CAMK1D: variants seen among roughly 807,000 people sequenced by gnomAD.
CAMK1D encodes calcium/calmodulin-dependent protein kinase type 1D.
In CAMK1D, 9 loss-of-function variants were observed where a neutral mutation model predicts 47.7. The observed-to-expected ratio is 0.19, with a 90% CI of 0.11 to 0.33. CAMK1D has a LOEUF of 0.33. Among genes scored for constraint, CAMK1D ranks in the 10% least tolerant of loss-of-function variants. The pLI is 1.00. For synonymous variants in CAMK1D, 184 were observed against 184.9 expected (o/e 0.99, Z 0.04); for missense variants, 291 against 488.7 (o/e 0.60, Z 3.81).
intron 1 of CAMK1D, among the ~76,000 whole-genome samples, chr10:12,436,674 C>T (rs1385939362): frequency 6.6e-6 from 1 of 152,164 alleles, no homozygotes; most frequent in Non-Finnish European, 1.5e-5. Context: ...GTCTCGGCAG[C>T]AAAGCCCCAT....
chr10:12,479,394 C>G (rs374240856), intron 1 of CAMK1D, among the ~76,000 whole-genome samples: 22 of 152,188 alleles, frequency 1.4e-4, no homozygotes, highest in African/African-American at 5.3e-4. Flanking sequence ...TGGGGTTTCA[C>G]CATGTTGGTC....
chr10:12,481,655 G>A lies in CAMK1D; in HGVS notation c.93-71570G>A, dbSNP rs545802439. ...CTCCTGAGCAGCCGCGATTACAGGC[G>A]TGTACCACCACGCCCGGCTAATTTT... On this transcript the variant is annotated intron_variant, in intron 1 of 10. Transcript: ENST00000619168. Among the ~76,000 whole-genome samples, 8 of 152,180 alleles carry A rather than the reference G, an allele frequency of 5.3e-5. No individual in the cohort carries two copies. The East Asian group carries it at 1.4e-3, about 26-fold the overall frequency.
Position 12,373,586 on chromosome 10 carries a change from C to T in CAMK1D, c.92+23676C>T, listed in dbSNP as rs184640928. 1.6e-4 allele frequency among the ~76,000 whole-genome samples: 25 copies of T among 151,902 alleles called. No homozygotes were observed. The East Asian group carries it at 1.8e-3, about 11-fold the overall frequency. On this transcript the variant is annotated intron_variant, in intron 1 of 10. Coordinates refer to ENST00000619168, the MANE Select transcript of CAMK1D (RefSeq NM_153498.4). The stretch of plus-strand genomic sequence containing the variant: ...GGTGGAGGTTGCAGTGAGCCGAGAT[C>T]GTGCCACTGTACTCCAGCCCGGGTG...
At chr10:12,782,875 C>T (rs973725996) in intron 5 of CAMK1D, among the ~76,000 whole-genome samples, 19 of 152,228 alleles carry the variant, frequency 1.2e-4, no homozygotes, top group African/African-American at 3.1e-4. Context: ...GGTAATGAAT[C>T]CTCTAGTTTA....
intron 1 of CAMK1D, among the ~76,000 whole-genome samples, chr10:12,495,573 C>G (rs1834513964): frequency 6.6e-6 from 1 of 152,086 alleles, no homozygotes; most frequent in Non-Finnish European, 1.5e-5. Context: ...ATGCAGAATC[C>G]CAGAATGGTT....
chr10:12,624,486 G>A (rs959684178), intron 2 of CAMK1D, among the ~76,000 whole-genome samples: 1 of 152,150 alleles, frequency 6.6e-6, no homozygotes, highest in African/African-American at 2.4e-5. Flanking sequence ...CTGCGTAAGT[G>A]GAGTCATGCA....
chr10:12,778,115 G>A (rs1837343204), intron 5 of CAMK1D, among the ~76,000 whole-genome samples: 1 of 152,228 alleles, frequency 6.6e-6, no homozygotes, highest in Non-Finnish European at 1.5e-5. Flanking sequence ...TATAGCTTGA[G>A]TTCAGACTTT....
At chr10:12,601,939 C>G (rs1486965721) in intron 2 of CAMK1D, among the ~76,000 whole-genome samples, 19 of 152,234 alleles carry the variant, frequency 1.2e-4, no homozygotes, top group Non-Finnish European at 1.5e-5. Flanking sequence ...GAAGCCCCCT[C>G]TACCTGTGTG....
intron 1 of CAMK1D, among the ~76,000 whole-genome samples, chr10:12,471,535 T>C (rs2132076070): frequency 6.6e-6 from 1 of 152,324 alleles, no homozygotes; most frequent in Admixed American, 6.5e-5. Context: ...GGGCAGGAGC[T>C]ATCCAGGTTG....
Position 12,678,235 on chromosome 10 carries a change from T to C in CAMK1D, c.299+11425T>C, listed in dbSNP as rs12247675. On this transcript the variant is annotated intron_variant, in intron 3 of 10. Transcript: ENST00000619168. ...TATCTTAAGATATTTTCCCTTGTGA[T>C]TTCTTCTTTGACCCAGTGGTTGTTT... Among the ~76,000 whole-genome samples, 222 of 152,364 alleles carry C rather than the reference T, an allele frequency of 1.5e-3. 1 individual carries two copies. Among genetic ancestry groups the C allele is most frequent in the African/African-American group, 5.0e-3 (207 of 41,594 alleles).
At chr10:12,695,053 T>TAGAG (rs1564499826) in intron 3 of CAMK1D, among the ~76,000 whole-genome samples, 64 of 125,486 alleles carry the variant, frequency 5.1e-4, no homozygotes, top group African/African-American at 1.6e-3. Flanking sequence ...GATAGATAGA[T>TAGAG]AGATAGATAG....
chr10:12,474,074 A>G (rs987434327), intron 1 of CAMK1D, among the ~76,000 whole-genome samples: 4 of 152,116 alleles, frequency 2.6e-5, no homozygotes, highest in Admixed American at 1.3e-4. Flanking sequence ...TTCTGGGTCC[A>G]GTGGGAGGCT....
chr10:12,476,115 A>T (rs1432337671), intron 1 of CAMK1D, among the ~76,000 whole-genome samples: 3 of 152,050 alleles, frequency 2.0e-5, no homozygotes, highest in Non-Finnish European at 4.4e-5. Flanking sequence ...AACATGGTGA[A>T]ACCCCATCTC....
chr10:12,387,889 G>A (rs974519896), intron 1 of CAMK1D, among the ~76,000 whole-genome samples: 6 of 152,158 alleles, frequency 3.9e-5, no homozygotes, highest in African/African-American at 1.4e-4. Context: ...TGAAAGACTG[G>A]GCTCAAAAAT....
At chr10:12,441,712 A>G (rs766715961) in intron 1 of CAMK1D, among the ~76,000 whole-genome samples, 6 of 152,060 alleles carry the variant, frequency 3.9e-5, no homozygotes, top group Non-Finnish European at 8.8e-5. Flanking sequence ...TCGGGAGGCC[A>G]AGGAACAAGA....
At chr10:12,640,122 C>T (rs1385559495) in intron 2 of CAMK1D, among the ~76,000 whole-genome samples, 1 of 152,180 alleles carries the variant, frequency 6.6e-6, no homozygotes, top group African/African-American at 2.4e-5. Context: ...AATCAGCGCT[C>T]CTAGCCCCAG....
chr10:12,825,470 A>C, intron 9 of CAMK1D, 103 bp from the exon 10 acceptor site: 1 of 1,082,104 alleles, frequency 9.2e-7, no homozygotes, highest in Non-Finnish European at 1.3e-6. Flanking sequence ...TGATGTAAGG[A>C]GTTTGAAATG....
chr10:12,625,134 C>T (rs1430763993), intron 2 of CAMK1D, among the ~76,000 whole-genome samples: 10 of 151,802 alleles, frequency 6.6e-5, no homozygotes, highest in South Asian at 6.3e-4. Flanking sequence ...GTGAGGAGTT[C>T]GAGACCAGCC....
intron 2 of CAMK1D, among the ~76,000 whole-genome samples, chr10:12,554,238 A>T (rs113633068): frequency 0.065 from 4,765 of 73,260 alleles, 736 homozygotes; most frequent in African/African-American, 0.15. Flanking sequence ...GCTCACTGCA[A>T]CTTCCACCTC....
Sources: gnomAD v4.1 joint callset for allele counts (sites outside exome capture counted in the v4.1 genomes callset) on GRCh38, gnomAD v4.1.1 for gene constraint, MANE v1.5 for transcripts, NCBI Gene and HGNC (gene_info 2026-07-23, HGNC 2026-07-21) for gene names.